The following NCAM2 variants were observed in gnomAD, a reference collection of about 807,000 sequenced individuals.
NCAM2 encodes N-CAM-2.
NCAM2 carries 30 observed loss-of-function variants against 98.1 expected under a neutral mutation model. The ratio of observed to expected loss-of-function variants is 0.31; its 90% CI spans 0.23 to 0.41. The LOEUF (loss-of-function observed/expected upper bound fraction) is 0.41, where lower values mean the gene tolerates loss of function less well. Ranked by LOEUF, NCAM2 falls within the 10% of genes least tolerant of loss-of-function variation. NCAM2 has a pLI of 1.00. For synonymous variants in NCAM2, 368 were observed against 342.4 expected (o/e 1.07, Z -0.83); for missense variants, 867 against 1,005.8 (o/e 0.86, Z 1.87).
chr21:21,346,471 T>G (rs958583886), intron 8 of NCAM2, among the ~76,000 whole-genome samples: 1 of 152,028 alleles, frequency 6.6e-6, no homozygotes, highest in Non-Finnish European at 1.5e-5. Flanking sequence ...ATTGGACAAA[T>G]GTTTCAGACA....
intron 9 of NCAM2, among the ~76,000 whole-genome samples, chr21:21,410,038 C>A (rs906408008): frequency 6.6e-6 from 1 of 151,892 alleles, no homozygotes; most frequent in African/African-American, 2.4e-5. Flanking sequence ...AAGGCTGAAG[C>A]AGGAGAATGG....
intron 5 of NCAM2, among the ~76,000 whole-genome samples, chr21:21,295,609 GT>G (rs952853609): frequency 6.6e-6 from 1 of 151,564 alleles, no homozygotes; most frequent in African/African-American, 2.4e-5. Context: ...TTTTTCTCTT[GT>G]TTTTTTCCTT....
chr21:21,251,878 T>C lies in NCAM2; in HGVS notation c.56-28700T>C, dbSNP rs561941913. 9.9e-5 allele frequency among the ~76,000 whole-genome samples: 15 copies of C among 152,284 alleles called. No individual in the cohort carries two copies. The South Asian group carries it at 2.5e-3, about 25-fold the overall frequency. Reference sequence around the variant, plus strand: ...TGTTCACTCTGATGCTAGTTCCTTATGCTGTGCAGAAGCTCTTTAGTTAAA... The same window carrying C: ...TGTTCACTCTGATGCTAGTTCCTTACGCTGTGCAGAAGCTCTTTAGTTAAA... On this transcript the variant is annotated intron_variant, in intron 1 of 17. Coordinates refer to ENST00000400546, the MANE Select transcript of NCAM2 (RefSeq NM_004540.5).
intron 9 of NCAM2, among the ~76,000 whole-genome samples, chr21:21,379,768 A>G (rs2076111489): frequency 1.3e-5 from 2 of 151,970 alleles, no homozygotes; most frequent in African/African-American, 2.4e-5. Flanking sequence ...AAATTATGGT[A>G]TTTGCACTCA....
chr21:21,169,512 C>T (rs959958363), intron 1 of NCAM2, among the ~76,000 whole-genome samples: 2 of 152,062 alleles, frequency 1.3e-5, no homozygotes, highest in African/African-American at 4.8e-5. Context: ...AAGCCACAGA[C>T]TGAGAAAAAA....
intron 1 of NCAM2, chr21:21,210,605 A>T: frequency 7.8e-7 from 1 of 1,288,896 alleles, no homozygotes; most frequent in Non-Finnish European, 1.0e-6. Flanking sequence ...CTTGATTATC[A>T]CAACAGGCAA....
intron 1 of NCAM2, among the ~76,000 whole-genome samples, chr21:21,238,531 A>G (rs1356341862): frequency 2.8e-5 from 4 of 141,046 alleles, no homozygotes; most frequent in Non-Finnish European, 6.0e-5. Context: ...TGAAATCATA[A>G]AGATGTTCAT....
At chr21:21,522,540 T>C (rs1989079084) in intron 16 of NCAM2, among the ~76,000 whole-genome samples, 1 of 151,612 alleles carries the variant, frequency 6.6e-6, no homozygotes, top group East Asian at 1.9e-4. Flanking sequence ...AGAATATCCT[T>C]TCTCAGACAA....
intron 1 of NCAM2, among the ~76,000 whole-genome samples, chr21:21,147,905 G>A (rs1338988066): frequency 6.6e-6 from 1 of 151,088 alleles, no homozygotes; most frequent in African/African-American, 2.4e-5. Context: ...ATAATAATAG[G>A]ATGAATAACA....
At chr21:21,184,851 G>A (rs576452245) in intron 1 of NCAM2, among the ~76,000 whole-genome samples, 4 of 152,168 alleles carry the variant, frequency 2.6e-5, no homozygotes, top group East Asian at 1.9e-4. Flanking sequence ...TATTTTGAAA[G>A]TTGTTCACCA....
intron 1 of NCAM2, among the ~76,000 whole-genome samples, chr21:21,048,741 T>G (rs2065046757): frequency 6.6e-6 from 1 of 152,194 alleles, no homozygotes; most frequent in Non-Finnish European, 1.5e-5. Context: ...GGGGCACATG[T>G]TCTCAGGACT....
chr21:21,263,310 A>G (rs7278909), intron 1 of NCAM2, among the ~76,000 whole-genome samples: 124,967 of 152,050 alleles, frequency 0.82, 51,574 homozygotes, highest in East Asian at 0.99. Flanking sequence ...TAACCAAGGA[A>G]ATGAAAGATC....
chr21:21,383,560 G>C (rs905856566), intron 9 of NCAM2, among the ~76,000 whole-genome samples: 2 of 152,040 alleles, frequency 1.3e-5, no homozygotes, highest in Non-Finnish European at 2.9e-5. Context: ...CAATCTTCCT[G>C]ATTTTTTTCC....
At chr21:21,392,892 G>A (rs934093414) in intron 9 of NCAM2, among the ~76,000 whole-genome samples, 1 of 152,102 alleles carries the variant, frequency 6.6e-6, no homozygotes, top group African/African-American at 2.4e-5. Context: ...CTTCCATTCT[G>A]TAGGTTGTTT....
chr21:21,519,034 G>A (rs142925486), intron 16 of NCAM2, among the ~76,000 whole-genome samples: 164 of 152,160 alleles, frequency 1.1e-3, no homozygotes, highest in African/African-American at 3.6e-3. Context: ...CTAGGCAGGT[G>A]TAAATTAATG....
intron 5 of NCAM2, among the ~76,000 whole-genome samples, chr21:21,311,966 A>T (rs901856061): frequency 2.6e-5 from 4 of 152,100 alleles, no homozygotes; most frequent in Non-Finnish European, 4.4e-5. Context: ...ATTGGAAAAG[A>T]TTTCTTTCTT....
intron 1 of NCAM2, among the ~76,000 whole-genome samples, chr21:21,030,704 G>A (rs1334831597): frequency 6.6e-6 from 1 of 152,194 alleles, no homozygotes; most frequent in East Asian, 1.9e-4. Flanking sequence ...GTGGTATTAA[G>A]GGAGGTAAGT....
intron 1 of NCAM2, among the ~76,000 whole-genome samples, chr21:21,147,706 ATAT>A (rs35940274): frequency 0.24 from 36,238 of 147,950 alleles, 4,994 homozygotes; most frequent in Non-Finnish European, 0.32. Context: ...AAAAACATAC[ATAT>A]TATATACTAT....
chr21:21,126,263 A>T (rs1196246544), intron 1 of NCAM2, among the ~76,000 whole-genome samples: 1 of 148,666 alleles, frequency 6.7e-6, no homozygotes, highest in African/African-American at 2.5e-5. Context: ...AAAAAATCGC[A>T]GAAAAAGTGT....
Sources: allele counts gnomAD v4.1 joint callset (sites outside exome capture counted in the v4.1 genomes callset), GRCh38; gene constraint gnomAD v4.1.1; transcripts MANE v1.5; gene names NCBI Gene and HGNC (gene_info 2026-07-23, HGNC 2026-07-21).